Variants in CDKAL1 observed in about 807,000 individuals in gnomAD.
CDKAL1 encodes the protein CDKAL1 threonylcarbamoyladenosine tRNA methylthiotransferase, also known as threonylcarbamoyladenosine tRNA methylthiotransferase.
A neutral mutation model predicts 68.2 loss-of-function variants in CDKAL1; 32 were observed. The observed-to-expected ratio is 0.47, with a 90% confidence interval of 0.35 to 0.63. CDKAL1 has a LOEUF of 0.63. CDKAL1 is among the 30% of genes least tolerant of loss of function. CDKAL1 has a pLI of 0.00. For missense variants in CDKAL1, 606 were observed against 696.7 expected, an observed-to-expected ratio of 0.87 and a Z score of 1.47; for synonymous variants, 234 against 244.3, an observed-to-expected ratio of 0.96 and a Z score of 0.39.
intron 7 of CDKAL1, among the ~76,000 whole-genome samples, chr6:20,760,437 T>C (rs1774412949): frequency 6.6e-6 from 1 of 152,240 alleles, no homozygotes; most frequent in South Asian, 2.1e-4. Context: ...ACAGCCACTA[T>C]GTTAAACACT....
intron 11 of CDKAL1, among the ~76,000 whole-genome samples, chr6:21,056,808 T>C (rs1003295428): frequency 6.6e-6 from 1 of 152,252 alleles, no homozygotes; most frequent in Admixed American, 6.5e-5. Flanking sequence ...TATTTCTGTT[T>C]ATGTGATGAA....
chr6:20,877,733 A>C (rs1478246691), intron 9 of CDKAL1, among the ~76,000 whole-genome samples: 1 of 152,134 alleles, frequency 6.6e-6, no homozygotes, highest in African/African-American at 2.4e-5. Context: ...GGTAGCTCTG[A>C]ATTATGTCCT....
intron 9 of CDKAL1, among the ~76,000 whole-genome samples, chr6:20,865,130 T>C (rs889583483): frequency 1.3e-5 from 2 of 152,216 alleles, no homozygotes; most frequent in Non-Finnish European, 2.9e-5. Context: ...TCTGTTTTGC[T>C]GAAGCACAGA....
At chr6:20,758,746 G>T in intron 7 of CDKAL1, 103 bp downstream of exon 7, 2 of 816,830 alleles carry the variant, frequency 2.4e-6, no homozygotes, top group South Asian at 1.9e-5. Context: ...AAAAGTTATT[G>T]TTTTAGATAT....
intron 9 of CDKAL1, among the ~76,000 whole-genome samples, chr6:20,853,634 C>G (rs1759160329): frequency 6.6e-6 from 1 of 152,198 alleles, no homozygotes; most frequent in African/African-American, 2.4e-5. Flanking sequence ...ACTCACTTGT[C>G]AGTCTTATAA....
chr6:20,548,754 G>C (rs370698722), intron 4 of CDKAL1, 49 bp downstream of exon 4: 2 of 854,296 alleles, frequency 2.3e-6, no homozygotes, highest in Non-Finnish European at 3.8e-6. Flanking sequence ...TCAGAATTAA[G>C]CTTTTAGAGA....
intron 12 of CDKAL1, among the ~76,000 whole-genome samples, chr6:21,075,680 T>A (rs1299563149): frequency 2.0e-5 from 3 of 152,200 alleles, no homozygotes; most frequent in Non-Finnish European, 4.4e-5. Context: ...CAAGTTCATA[T>A]TTTCTGTTCC....
At chr6:20,692,785 G>C (rs1295392663) in intron 5 of CDKAL1, among the ~76,000 whole-genome samples, 1 of 151,876 alleles carries the variant, frequency 6.6e-6, no homozygotes, top group Non-Finnish European at 1.5e-5. Flanking sequence ...CCAGTGCTTT[G>C]AGTGGTCACA....
At position 21,184,872 on chromosome 6, in the gene CDKAL1, G is replaced by T. The variant is rs1031483161; in HGVS notation, c.1300-13149G>T. ...TGTAGAGATGGGGTTTCACCATGTTGCCCAGGCTGGTCTCAAACTCCTGGG... is the reference window on the plus strand; with the variant it reads ...TGTAGAGATGGGGTTTCACCATGTTTCCCAGGCTGGTCTCAAACTCCTGGG... On this transcript the variant is annotated intron_variant, in intron 13 of 15. Transcript: ENST00000274695. Among the ~76,000 whole-genome samples, 15 of 116,800 alleles carry T rather than the reference G, an allele frequency of 1.3e-4. No homozygotes were observed. In the East Asian group the frequency reaches 2.1e-3, roughly 17 times the overall value. The allele number at this position is 116,800 out of a possible 152,430, so 76.6% of individuals were successfully genotyped here. A position where few individuals can be genotyped will look rare whatever the true frequency, so the allele number is the denominator to read the frequency against.
chr6:21,206,318 T>A (rs1354825033), intron 15 of CDKAL1, among the ~76,000 whole-genome samples: 2 of 152,176 alleles, frequency 1.3e-5, no homozygotes, highest in Non-Finnish European at 2.9e-5. Flanking sequence ...TTAATTATCT[T>A]CTCTGTGGGT....
intron 4 of CDKAL1, among the ~76,000 whole-genome samples, chr6:20,622,175 C>T (rs1163905534): frequency 6.6e-6 from 1 of 151,640 alleles, no homozygotes; most frequent in Non-Finnish European, 1.5e-5. Context: ...TTTAGCTTTG[C>T]TTCTATATTT....
At chr6:21,230,003 A>ATGAT (rs1465058486) in intron 15 of CDKAL1, among the ~76,000 whole-genome samples, 1 of 152,148 alleles carries the variant, frequency 6.6e-6, no homozygotes, top group Non-Finnish European at 1.5e-5. Context: ...AGAGAAAATG[A>ATGAT]TGATAGTATT....
intron 10 of CDKAL1, among the ~76,000 whole-genome samples, chr6:20,973,626 A>G (rs1037966025): frequency 6.6e-6 from 1 of 152,202 alleles, no homozygotes; most frequent in South Asian, 2.1e-4. Flanking sequence ...TTTGTTTGAG[A>G]CAGGGCCTTG....
intron 5 of CDKAL1, among the ~76,000 whole-genome samples, chr6:20,720,868 T>C (rs1033379525): frequency 2.0e-5 from 3 of 152,244 alleles, no homozygotes; most frequent in African/African-American, 7.2e-5. Flanking sequence ...GATATTTGTC[T>C]TTTTGTGCCT....
chr6:20,717,617 T>G (rs964843977), intron 5 of CDKAL1, among the ~76,000 whole-genome samples: 1 of 152,170 alleles, frequency 6.6e-6, no homozygotes, highest in Middle Eastern at 3.2e-3. Flanking sequence ...GAAGGCCTTA[T>G]TAGAGCAATA....
At position 20,823,622 on chromosome 6, in the gene CDKAL1, C is replaced by T. The variant is rs549502892; in HGVS notation, c.639-22453C>T. On this transcript the variant is annotated intron_variant, in intron 8 of 15. Coordinates refer to ENST00000274695, the MANE Select transcript of CDKAL1 (RefSeq NM_017774.3). ...GTGAAAATAAAACATAAAAAATGTT[C>T]CTGGAGTTACTTCTAAACAGAATTA... Among the ~76,000 whole-genome samples the T allele has an allele frequency of 1.7e-4, 26 of 152,216 alleles. No homozygotes were observed. The South Asian group carries it at 5.2e-3, about 30-fold the overall frequency.
In CDKAL1 at chr6:20,670,981, G is replaced by T. The variant is rs541435445; in HGVS notation, c.371+21604G>T. On this transcript the variant is annotated intron_variant, in intron 5 of 15. Coordinates refer to ENST00000274695, the MANE Select transcript of CDKAL1 (RefSeq NM_017774.3). Reference sequence around the variant, plus strand: ...TTTCACAATTCCAAACTGTGTGGCAGTGAGTGAACTTTTGCTTATTGATTT... The same window carrying T: ...TTTCACAATTCCAAACTGTGTGGCATTGAGTGAACTTTTGCTTATTGATTT... Among the ~76,000 whole-genome samples the T allele has an allele frequency of 3.3e-5, 5 of 152,300 alleles. No homozygotes were observed. The East Asian group carries it at 5.8e-4, about 18-fold the overall frequency.
chr6:20,690,113 G>A (rs1012520447), intron 5 of CDKAL1, among the ~76,000 whole-genome samples: 1 of 152,070 alleles, frequency 6.6e-6, no homozygotes, highest in East Asian at 1.9e-4. Flanking sequence ...TTCTGTATTG[G>A]ATTCTCTTTT....
At chr6:20,613,467 G>T (rs1766740785) in intron 4 of CDKAL1, among the ~76,000 whole-genome samples, 1 of 150,124 alleles carries the variant, frequency 6.7e-6, no homozygotes, top group African/African-American at 2.4e-5. Context: ...TAGAGACAGG[G>T]TTTCACCATG....
Sources: allele counts gnomAD v4.1 joint callset (sites outside exome capture counted in the v4.1 genomes callset), GRCh38; gene constraint gnomAD v4.1.1; transcripts MANE v1.5; gene names NCBI Gene and HGNC (gene_info 2026-07-23, HGNC 2026-07-21).